CATSPERT: variants seen among roughly 807,000 people sequenced by gnomAD.
CATSPERT encodes the protein catsper channel auxiliary subunit tau, also known as cation channel sperm-associated targeting subunit tau.
the CATSPERT span, among the ~76,000 whole-genome samples, chr2:201,608,187 AC>A: frequency 1.3e-5 from 2 of 152,016 alleles, no homozygotes; most frequent in Non-Finnish European, 2.9e-5. Context: ...TTGCTTTGTC[AC>A]CCAGGATGGA....
At chr2:201,597,463 T>C in the CATSPERT span, among the ~76,000 whole-genome samples, 1 of 152,132 alleles carries the variant, frequency 6.6e-6, no homozygotes, top group East Asian at 1.9e-4. Context: ...CCAGCCCCCG[T>C]AGGAGCCCTA....
the CATSPERT span, among the ~76,000 whole-genome samples, chr2:201,542,842 G>A: frequency 1.3e-5 from 2 of 152,046 alleles, no homozygotes; most frequent in Admixed American, 1.3e-4. Context: ...CTGTGTAGAA[G>A]CTTTTTAATT....
At chr2:201,529,284 C>G in the CATSPERT span, among the ~76,000 whole-genome samples, 5 of 152,162 alleles carry the variant, frequency 3.3e-5, no homozygotes, top group Admixed American at 1.3e-4. Flanking sequence ...ATACCCCAAA[C>G]AGCCAAAGCA....
chr2:201,501,227 C>A, the CATSPERT span, among the ~76,000 whole-genome samples: 3 of 151,304 alleles, frequency 2.0e-5, no homozygotes, highest in African/African-American at 7.3e-5. Flanking sequence ...GGAGAAACCC[C>A]GTCTCTACTA....
At chr2:201,516,919 T>C in the CATSPERT span, among the ~76,000 whole-genome samples, 6 of 134,834 alleles carry the variant, frequency 4.4e-5, no homozygotes, top group African/African-American at 1.6e-4. Context: ...AAAGCTGGAG[T>C]AATAGGAAGG....
At chr2:201,488,395 A>G in the CATSPERT span, among the ~76,000 whole-genome samples, 1 of 152,200 alleles carries the variant, frequency 6.6e-6, no homozygotes, top group Non-Finnish European at 1.5e-5. Flanking sequence ...ACCATCTTTA[A>G]TTTATGTACA....
chr2:201,571,174 C>T, the CATSPERT span, among the ~76,000 whole-genome samples: 33 of 152,068 alleles, frequency 2.2e-4, no homozygotes, highest in African/African-American at 7.7e-4. Context: ...GAAAGGTAAA[C>T]ATAAGAAAAA....
At chr2:201,583,316 G>A in the CATSPERT span, among the ~76,000 whole-genome samples, 1 of 152,136 alleles carries the variant, frequency 6.6e-6, no homozygotes, top group Non-Finnish European at 1.5e-5. Flanking sequence ...AAAGGGCTAC[G>A]GCTTCAGTGA....
At chr2:201,503,088 C>T in the CATSPERT span, among the ~76,000 whole-genome samples, 2 of 152,062 alleles carry the variant, frequency 1.3e-5, no homozygotes, top group East Asian at 1.9e-4. Flanking sequence ...ATCATACTCA[C>T]GTTTCCTCTA....
the CATSPERT span, among the ~76,000 whole-genome samples, chr2:201,607,952 A>G: frequency 6.6e-6 from 1 of 152,330 alleles, no homozygotes; most frequent in East Asian, 1.9e-4. Context: ...AAACTGTGAG[A>G]AAATAAATGT....
the CATSPERT span, among the ~76,000 whole-genome samples, chr2:201,615,569 A>C: frequency 6.6e-6 from 1 of 152,212 alleles, no homozygotes; most frequent in Admixed American, 6.5e-5. Flanking sequence ...GTGTAGAAGG[A>C]AATTTATAGC....
chr2:201,544,011 C>T, the CATSPERT span, among the ~76,000 whole-genome samples: 1 of 152,086 alleles, frequency 6.6e-6, no homozygotes, highest in Non-Finnish European at 1.5e-5. Flanking sequence ...CTCCCCACTG[C>T]CCCCATCCCA....
At chr2:201,520,777 T>C in the CATSPERT span, among the ~76,000 whole-genome samples, 2 of 151,230 alleles carry the variant, frequency 1.3e-5, no homozygotes, top group African/African-American at 4.9e-5. Flanking sequence ...TAATCCAAGC[T>C]ACTAGGGAGG....
At chr2:201,535,192 A>G in the CATSPERT span, 126 of 984,736 alleles carry the variant, frequency 1.3e-4, no homozygotes, top group Non-Finnish European at 1.5e-4. Flanking sequence ...GAGAATTTAG[A>G]AATGACCTAG....
the CATSPERT span, among the ~76,000 whole-genome samples, chr2:201,613,672 C>T: frequency 4.6e-5 from 7 of 152,166 alleles, no homozygotes; most frequent in Admixed American, 1.3e-4. Flanking sequence ...CACAGCTCCT[C>T]GCCAGCAAGG....
chr2:201,613,821 G>A, the CATSPERT span, among the ~76,000 whole-genome samples: 1 of 152,166 alleles, frequency 6.6e-6, no homozygotes, highest in Admixed American at 6.6e-5. Context: ...AAAAAGATCA[G>A]ATGAATGGCT....
chr2:201,619,177 C>T, the CATSPERT span: 17 of 1,597,252 alleles, frequency 1.1e-5, no homozygotes, highest in East Asian at 2.2e-5. Flanking sequence ...CGGCCCGCTA[C>T]TGCGCAGGCG....
At chr2:201,594,219 A>G in the CATSPERT span, among the ~76,000 whole-genome samples, 1 of 152,026 alleles carries the variant, frequency 6.6e-6, no homozygotes, top group Admixed American at 6.5e-5. Context: ...AAAGTGTTTT[A>G]TTTCTTCTTC....
the CATSPERT span, among the ~76,000 whole-genome samples, chr2:201,507,646 A>G: frequency 6.6e-6 from 1 of 152,232 alleles, no homozygotes; most frequent in Non-Finnish European, 1.5e-5. Context: ...GCTCATGTAC[A>G]TAAGGAAATT....
Sources: allele counts gnomAD v4.1 joint callset (sites outside exome capture counted in the v4.1 genomes callset), GRCh38; gene constraint gnomAD v4.1.1; transcripts MANE v1.5; gene names NCBI Gene and HGNC (gene_info 2026-07-23, HGNC 2026-07-21).